The following PAX5 variants were observed in gnomAD, a reference collection of about 807,000 sequenced individuals.
PAX5 encodes paired box protein Pax-5.
In PAX5, 9 loss-of-function variants were observed where a neutral mutation model predicts 43.7. The observed-to-expected ratio is 0.21, with a 90% CI of 0.12 to 0.36. The LOEUF (loss-of-function observed/expected upper bound fraction) is 0.36. PAX5 is among the 10% of genes least tolerant of loss of function. The pLI, the probability that PAX5 is intolerant of heterozygous loss-of-function variation, is 1.00. For synonymous variants in PAX5, 228 were observed against 214.3 expected (o/e 1.06, Z -0.56); for missense variants, 383 against 532.7 (o/e 0.72, Z 2.77).
At chr9:36,928,655 A>G (rs1443873411) in intron 6 of PAX5, among the ~76,000 whole-genome samples, 1 of 152,134 alleles carries the variant, frequency 6.6e-6, no homozygotes, top group Admixed American at 6.5e-5. Flanking sequence ...GTGATACGCT[A>G]ACATCCCCTT....
In PAX5 at chr9:37,002,674, T is replaced by A; in HGVS notation, c.578A>T (p.Asp193Val). The A allele has an allele frequency of 3.7e-6, 6 of 1,611,800 alleles. No individual in the cohort carries two copies. Among genetic ancestry groups the A allele is most frequent in the Non-Finnish European group, 5.1e-6 (6 of 1,179,270 alleles). The change falls in exon 5 of 10, where the codon GAC (aspartate) becomes GTC (valine). Residue 193 changes from aspartate (D) to valine (V), a missense_variant. Around this residue, in one of 5 missense-constraint regions of PAX5, gnomAD observed 291 missense variants for 342.5 expected, o/e 0.85. Transcript: ENST00000358127. Reference sequence around the variant, plus strand: ...TTCGTCTCTCTTGCGCTTGTTGGTGTCGGCGCTGGGGGACGTGATGCCCAG... The same window carrying A: ...TTCGTCTCTCTTGCGCTTGTTGGTGACGGCGCTGGGGGACGTGATGCCCAG... The part of the protein sequence containing the change: ...GILGITSPSA[D>V]TNKRKRDEGI...
intron 8 of PAX5, among the ~76,000 whole-genome samples, chr9:36,858,968 C>A (rs757044556): frequency 2.6e-5 from 4 of 152,150 alleles, no homozygotes; most frequent in Non-Finnish European, 5.9e-5. Flanking sequence ...TGCCTGCCAT[C>A]AAATTTTAAT....
At chr9:36,902,831 T>G (rs1828521220) in intron 7 of PAX5, among the ~76,000 whole-genome samples, 1 of 152,258 alleles carries the variant, frequency 6.6e-6, no homozygotes, top group Admixed American at 6.5e-5. Context: ...GCAACACCTT[T>G]TGAGCAACTA....
intron 5 of PAX5, among the ~76,000 whole-genome samples, chr9:36,973,788 C>A (rs60519703): frequency 0.13 from 20,017 of 152,042 alleles, 1,450 homozygotes; most frequent in African/African-American, 0.18. Flanking sequence ...GGCGGATCAC[C>A]TGAGGTCAGG....
intron 6 of PAX5, among the ~76,000 whole-genome samples, chr9:36,959,163 C>A (rs751456832): frequency 1.1e-4 from 17 of 152,250 alleles, no homozygotes; most frequent in Non-Finnish European, 2.2e-4. Context: ...ATCTTCTCTA[C>A]TCCTTCCCCT....
rs969195833 is a variant in PAX5 at position 36,887,723 on chromosome 9, C to A, written c.911-5618G>T. Among the ~76,000 whole-genome samples the A allele has an allele frequency of 7.2e-5, 11 of 152,238 alleles. No individual in the cohort carries two copies. The South Asian group carries it at 2.1e-3, about 29-fold the overall frequency. ...AATATGGGCATAAATCTCCATGACCCTGGATTCGGCAATAGTTTATTGGAT... is the reference window on the plus strand; with the variant it reads ...AATATGGGCATAAATCTCCATGACCATGGATTCGGCAATAGTTTATTGGAT... On this transcript the variant is annotated intron_variant, in intron 7 of 9. Coordinates refer to ENST00000358127, the MANE Select transcript of PAX5 (RefSeq NM_016734.3).
chr9:36,929,713 C>T (rs139102131), intron 6 of PAX5, among the ~76,000 whole-genome samples: 2 of 152,332 alleles, frequency 1.3e-5, no homozygotes, highest in African/African-American at 4.8e-5. Flanking sequence ...GATAAAACTT[C>T]CTCTGCCTGC....
intron 7 of PAX5, among the ~76,000 whole-genome samples, chr9:36,914,832 G>A (rs547078442): frequency 1.3e-5 from 2 of 152,354 alleles, no homozygotes; most frequent in African/African-American, 4.8e-5. Context: ...TGATGTGTGT[G>A]TGTGCACACG....
chr9:36,926,545 C>T (rs763244209), intron 6 of PAX5, among the ~76,000 whole-genome samples: 14 of 152,214 alleles, frequency 9.2e-5, no homozygotes, highest in Non-Finnish European at 1.5e-4. Flanking sequence ...CATTAGCCTC[C>T]TAATTTTCTG....
intron 5 of PAX5, among the ~76,000 whole-genome samples, chr9:36,968,514 A>G (rs1276947524): frequency 6.6e-6 from 1 of 152,150 alleles, no homozygotes; most frequent in Non-Finnish European, 1.5e-5. Context: ...GGGCCTTCGG[A>G]GGCAGCTCAT....
intron 7 of PAX5, among the ~76,000 whole-genome samples, chr9:36,885,580 C>T (rs183058530): frequency 1.3e-5 from 2 of 152,270 alleles, no homozygotes; most frequent in East Asian, 3.9e-4. Context: ...AAGTGACTTG[C>T]TCACAGTCAC....
At chr9:37,020,916 G>T (rs1336738371) in intron 1 of PAX5, 115 bp from the exon 2 acceptor site, 1 of 1,070,116 alleles carries the variant, frequency 9.3e-7, no homozygotes, top group East Asian at 2.4e-5. Context: ...CGGCAGGCTG[G>T]ATGTCTCGCG....
At chr9:36,931,143 C>T (rs1450830894) in intron 6 of PAX5, among the ~76,000 whole-genome samples, 2 of 152,224 alleles carry the variant, frequency 1.3e-5, no homozygotes, top group Non-Finnish European at 2.9e-5. Flanking sequence ...GGGCCAGAGC[C>T]AGGCCAACCA....
intron 5 of PAX5, among the ~76,000 whole-genome samples, chr9:36,987,824 C>T (rs1395029725): frequency 6.6e-6 from 1 of 152,218 alleles, no homozygotes; most frequent in Non-Finnish European, 1.5e-5. Context: ...TGCCTCTCTG[C>T]CTGCCTGCCT....
At chr9:36,868,357 G>A (rs1407980878) in intron 8 of PAX5, among the ~76,000 whole-genome samples, 1 of 152,242 alleles carries the variant, frequency 6.6e-6, no homozygotes, top group Non-Finnish European at 1.5e-5. Context: ...GGATCTGAGA[G>A]GAATTCCGGG....
rs377163579 is a variant in PAX5, at chr9:37,003,746, A to T, written c.476-970T>A. 4.5e-4 allele frequency among the ~76,000 whole-genome samples: 69 copies of T among 152,352 alleles called. No homozygotes were observed. In the South Asian group the frequency reaches 0.014, roughly 31 times the overall value. ...CAGCTACTTGGGAGGCTGAGGCAAGAGGATCACTTGAGCCCAGGAAGTCGA... is the reference window on the plus strand; with the variant it reads ...CAGCTACTTGGGAGGCTGAGGCAAGTGGATCACTTGAGCCCAGGAAGTCGA... On this transcript the variant is annotated intron_variant, in intron 4 of 9. Transcript: ENST00000358127.
At chr9:36,926,857 G>A (rs911752032) in intron 6 of PAX5, among the ~76,000 whole-genome samples, 5 of 152,174 alleles carry the variant, frequency 3.3e-5, no homozygotes, top group African/African-American at 9.7e-5. Context: ...ACCAAGAGAA[G>A]ACACATTGGC....
chr9:36,970,174 A>G (rs1031099973), intron 5 of PAX5, among the ~76,000 whole-genome samples: 5 of 152,170 alleles, frequency 3.3e-5, no homozygotes, highest in African/African-American at 7.2e-5. Flanking sequence ...AGAGCATAAA[A>G]ATATATCCAT....
intron 3 of PAX5, among the ~76,000 whole-genome samples, chr9:37,012,147 G>A (rs545460172): frequency 3.2e-4 from 48 of 152,290 alleles, no homozygotes; most frequent in Admixed American, 2.9e-3. Context: ...GGCTAAGGAT[G>A]AGAGAGGGCA....
Sources: gnomAD v4.1 joint callset for allele counts (sites outside exome capture counted in the v4.1 genomes callset) on GRCh38, gnomAD v4.1.1 for gene constraint, gnomAD v4.1.1 regional missense constraint, MANE v1.5 for transcripts, NCBI Gene and HGNC (gene_info 2026-07-23, HGNC 2026-07-21) for gene names.